The following CNTNAP2 variants were observed in gnomAD, a reference collection of about 807,000 sequenced individuals.
CNTNAP2 encodes contactin-associated protein-like 2.
A neutral mutation model predicts 155.2 loss-of-function variants in CNTNAP2; 98 were observed. That is an observed-to-expected ratio of 0.63 (90% confidence interval 0.54 to 0.75). The LOEUF is 0.75. Ranked by LOEUF, CNTNAP2 falls within the 30% of genes least tolerant of loss-of-function variation. CNTNAP2 has a pLI of 0.00. For synonymous variants in CNTNAP2, 651 were observed against 631.2 expected, an observed-to-expected ratio of 1.03 and a Z score of -0.47; for missense variants, 1,727 against 1,688.1, an observed-to-expected ratio of 1.02 and a Z score of -0.40.
chr7:146,700,601 G>A (rs1300497549), intron 1 of CNTNAP2, among the ~76,000 whole-genome samples: 1 of 152,054 alleles, frequency 6.6e-6, no homozygotes, highest in Non-Finnish European at 1.5e-5. Context: ...TATACTGTGT[G>A]GGGGCATTCA....
chr7:147,260,557 C>G (rs937773080), intron 8 of CNTNAP2, among the ~76,000 whole-genome samples: 2 of 152,142 alleles, frequency 1.3e-5, no homozygotes, highest in Admixed American at 6.6e-5. Context: ...TAAATGTGTA[C>G]TATCCACACT....
chr7:147,957,137 A>G (rs1801029407), intron 14 of CNTNAP2, among the ~76,000 whole-genome samples: 1 of 152,212 alleles, frequency 6.6e-6, no homozygotes, highest in East Asian at 1.9e-4. Context: ...GTTAAGAGAA[A>G]AGGAGTGAAA....
intron 16 of CNTNAP2, among the ~76,000 whole-genome samples, chr7:148,119,246 A>G (rs1804545797): frequency 1.3e-5 from 2 of 152,060 alleles, no homozygotes; most frequent in South Asian, 4.1e-4. Context: ...CCTTCCGGCC[A>G]GGCACGGTGG....
At chr7:146,540,719 C>T (rs559391278) in intron 1 of CNTNAP2, among the ~76,000 whole-genome samples, 4 of 152,144 alleles carry the variant, frequency 2.6e-5, no homozygotes, top group South Asian at 2.1e-4. Context: ...TCAAACAATA[C>T]GGCATGCAGT....
At chr7:146,815,428 A>G (rs1803147076) in intron 2 of CNTNAP2, among the ~76,000 whole-genome samples, 1 of 152,136 alleles carries the variant, frequency 6.6e-6, no homozygotes, top group African/African-American at 2.4e-5. Context: ...TAGTAATTTG[A>G]CTTAATGATC....
At chr7:146,582,213 C>T (rs565819217) in intron 1 of CNTNAP2, among the ~76,000 whole-genome samples, 21 of 152,226 alleles carry the variant, frequency 1.4e-4, no homozygotes, top group Admixed American at 5.9e-4. Flanking sequence ...TCAAGTGTAA[C>T]TTTCCAAAGG....
chr7:147,915,905 G>A (rs542538082), intron 14 of CNTNAP2, among the ~76,000 whole-genome samples: 1 of 152,230 alleles, frequency 6.6e-6, no homozygotes, highest in East Asian at 1.9e-4. Flanking sequence ...ACTCCACTGT[G>A]GTTTACTTGG....
intron 13 of CNTNAP2, among the ~76,000 whole-genome samples, chr7:147,805,858 A>G (rs1798082214): frequency 1.3e-5 from 2 of 152,194 alleles, no homozygotes; most frequent in Admixed American, 6.5e-5. Context: ...ATCAAAATGG[A>G]TTGAGGGCTT....
At chr7:147,307,344 G>GGAGGCC (rs1339491736) in intron 9 of CNTNAP2, among the ~76,000 whole-genome samples, 7 of 152,196 alleles carry the variant, frequency 4.6e-5, no homozygotes, top group African/African-American at 1.4e-4. Context: ...CAGCACTTTG[G>GGAGGCC]GAGGCCGAGG....
intron 13 of CNTNAP2, among the ~76,000 whole-genome samples, chr7:147,896,778 C>A (rs537021237): frequency 6.6e-6 from 1 of 152,226 alleles, no homozygotes; most frequent in Non-Finnish European, 1.5e-5. Context: ...TCTAATCTTG[C>A]GGCTAATGTT....
At chr7:147,497,323 C>A (rs1798726837) in intron 11 of CNTNAP2, among the ~76,000 whole-genome samples, 1 of 152,168 alleles carries the variant, frequency 6.6e-6, no homozygotes. Flanking sequence ...CTCTTGAAAG[C>A]CCATTCTTGG....
chr7:146,449,850 A>G (rs1337994305), intron 1 of CNTNAP2, among the ~76,000 whole-genome samples: 2 of 152,168 alleles, frequency 1.3e-5, no homozygotes, highest in East Asian at 3.9e-4. Flanking sequence ...GAGAGACGGC[A>G]CTATCCTGTC....
intron 1 of CNTNAP2, among the ~76,000 whole-genome samples, chr7:146,442,459 T>G (rs1167234683): frequency 6.6e-6 from 1 of 151,896 alleles, no homozygotes; most frequent in African/African-American, 2.4e-5. Flanking sequence ...TGCGTGCGCA[T>G]GTGTGTGTGT....
intron 13 of CNTNAP2, among the ~76,000 whole-genome samples, chr7:147,866,894 CTT>C (rs1400934009): frequency 3.3e-5 from 5 of 152,118 alleles, no homozygotes; most frequent in Non-Finnish European, 7.3e-5. Flanking sequence ...GGTCTTGACT[CTT>C]TATCCAATTT....
intron 15 of CNTNAP2, among the ~76,000 whole-genome samples, chr7:147,991,928 G>T (rs1018870299): frequency 6.6e-6 from 1 of 151,992 alleles, no homozygotes; most frequent in Admixed American, 6.6e-5. Flanking sequence ...TCCTAACTAT[G>T]TGCAGGTCTG....
chr7:147,697,447 A>C (rs1796178156), intron 13 of CNTNAP2, among the ~76,000 whole-genome samples: 1 of 151,930 alleles, frequency 6.6e-6, no homozygotes, highest in Admixed American at 6.6e-5. Flanking sequence ...TGCAGCGATA[A>C]GTCATGAGGA....
At chr7:146,388,361 G>C (rs1795490852) in intron 1 of CNTNAP2, among the ~76,000 whole-genome samples, 1 of 152,060 alleles carries the variant, frequency 6.6e-6, no homozygotes, top group South Asian at 2.1e-4. Flanking sequence ...CCTGAGCCCG[G>C]GAGGTTGAGG....
intron 12 of CNTNAP2, among the ~76,000 whole-genome samples, chr7:147,572,657 C>T (rs1338771249): frequency 6.6e-6 from 1 of 151,878 alleles, no homozygotes; most frequent in East Asian, 1.9e-4. Context: ...GAATCTGAAA[C>T]TCTTGCCTAG....
At chr7:146,713,381 C>T (rs1477773204) in intron 1 of CNTNAP2, among the ~76,000 whole-genome samples, 2 of 152,062 alleles carry the variant, frequency 1.3e-5, no homozygotes, top group Non-Finnish European at 2.9e-5. Flanking sequence ...TCTGGAAGGC[C>T]ATTTGCTTTG....
Sources: gnomAD v4.1 joint callset for allele counts (sites outside exome capture counted in the v4.1 genomes callset) on GRCh38, gnomAD v4.1.1 for gene constraint, MANE v1.5 for transcripts, NCBI Gene and HGNC (gene_info 2026-07-23, HGNC 2026-07-21) for gene names.